The following THOP1 variants were observed in gnomAD, a reference collection of about 807,000 sequenced individuals.
The protein encoded by THOP1 is thimet oligopeptidase.
In THOP1, 49 loss-of-function variants were observed where a neutral mutation model predicts 71.8. The observed-to-expected ratio is 0.68, with a 90% CI of 0.54 to 0.87. The LOEUF is 0.87. THOP1 is among the 40% of genes least tolerant of loss of function. THOP1 has a pLI of 0.00. For missense variants in THOP1, 843 were observed against 975.6 expected (o/e 0.86, Z 1.81); for synonymous variants, 426 against 421.5 (o/e 1.01, Z -0.13).
Position 2,805,257 on chromosome 19 carries a change from C to G in THOP1, c.750+81C>G. 4.1e-6 allele frequency: 6 copies of G among 1,463,160 alleles called. No homozygotes were observed. The highest frequency in any genetic ancestry group is 5.5e-6 in the Non-Finnish European group (6 of 1,098,340). The allele number at this position is 1,463,160 out of a possible 1,614,324, so 90.6% of individuals were successfully genotyped here. On this transcript the variant is annotated intron_variant, in intron 6 of 12. Coordinates refer to ENST00000307741, the MANE Select transcript of THOP1 (RefSeq NM_003249.5). The surrounding 1 kb of genome is among the most constrained non-coding windows in gnomAD (Gnocchi z 6.6). ...CGTCTGCTCCATGTGTGTGAGGCAC[C>G]TCCAGGCTTTGCACTTGGATGGCCT...
At chr19:2,799,922 T>A (rs1278608919) in intron 5 of THOP1, 131 bp downstream of exon 5, 3 of 771,802 alleles carry the variant, frequency 3.9e-6, no homozygotes, top group Non-Finnish European at 6.3e-6. Flanking sequence ...CCGAAGTACG[T>A]GGACCTGACC....
At chr19:2,788,905 C>T (rs1915811309) in intron 1 of THOP1, among the ~76,000 whole-genome samples, 1 of 151,476 alleles carries the variant, frequency 6.6e-6, no homozygotes, top group Non-Finnish European at 1.5e-5. Context: ...GGATTACAAG[C>T]CCGCACCACC....
intron 8 of THOP1, 55 bp downstream of exon 8, chr19:2,807,863 G>T (rs1214350511): frequency 1.4e-6 from 2 of 1,417,490 alleles, no homozygotes; most frequent in Non-Finnish European, 1.8e-6. Flanking sequence ...TCTCCTCGGA[G>T]CCCGGTGTGC....
Position 2,799,805 on chromosome 19 carries a change from A to C in THOP1, c.589+14A>C. ...TCCAGGAGCTAGGTAGGGGCCGAGC[A>C]GTGGGGCACGGGTGGCCATCGGTCC... is the stretch of plus-strand genomic sequence containing the variant. On this transcript the variant is annotated intron_variant, in intron 5 of 12. Transcript: ENST00000307741. 6.2e-7 allele frequency: 1 copy of C among 1,610,192 alleles called. No individual in the cohort carries two copies. The highest frequency in any genetic ancestry group is 8.5e-7 in the Non-Finnish European group (1 of 1,177,026).
chr19:2,796,693 G>A (rs1297561445), intron 4 of THOP1, among the ~76,000 whole-genome samples: 7 of 152,088 alleles, frequency 4.6e-5, no homozygotes, highest in African/African-American at 1.2e-4. Flanking sequence ...AGTGCTGGGC[G>A]TGGCCAGTGG....
Position 2,804,980 on chromosome 19 carries a change from A to G in THOP1, c.590-36A>G, listed in dbSNP as rs1041882701. The G allele has an allele frequency of 3.1e-6, 5 of 1,594,264 alleles. No homozygotes were observed. Among genetic ancestry groups the G allele is most frequent in the Non-Finnish European group, 4.3e-6 (5 of 1,170,128 alleles). ...GCTGTGTGCAGGCTGTGGGCCCATC[A>G]GTCCTGTCAAAGCCACCCTGGTTCT... On this transcript the variant is annotated intron_variant, in intron 5 of 12. Transcript: ENST00000307741. This position sits in a 1 kb window ranked among gnomAD's most constrained non-coding sequence, Gnocchi z 4.7.
At position 2,794,821 on chromosome 19, in the gene THOP1, C is replaced by T. The variant is rs200331113; in HGVS notation, c.287C>T (p.Thr96Ile). The change falls in exon 3 of 13, where the codon ACA becomes ATA. Residue 96 changes from threonine to isoleucine, a missense_variant. Transcript: ENST00000307741. ...QHVSPSKDIR[T>I]ASTEADKKLS... ...GTTTCCCCCTCCAAGGACATCCGGA[C>T]AGCCAGCACAGAGGCCGACAAGAAG... The T allele has an allele frequency of 6.8e-6, 11 of 1,614,048 alleles. No individual in the cohort carries two copies. Among genetic ancestry groups the T allele is most frequent in the Non-Finnish European group, 8.5e-6 (10 of 1,179,970 alleles).
Position 2,796,140 on chromosome 19 carries a change from C to T in THOP1, c.438C>T (p.Ile146=). Residue 146 remains isoleucine (I), a synonymous_variant, in exon 4 of 13, where the codon ATC becomes ATT. Transcript: ENST00000307741. The part of the protein sequence containing the change: ...PEAARYLERL[I]KLGRRNGLHL... The stretch of plus-strand genomic sequence containing the variant: ...CTGCGCGGTACCTGGAGCGGCTAAT[C>T]AAGCTGGGCCGGAGAAATGGGCTTC... 6.2e-7 allele frequency: 1 copy of T among 1,613,846 alleles called. No homozygotes were observed. Among genetic ancestry groups the T allele is most frequent in the Non-Finnish European group, 8.5e-7 (1 of 1,179,968 alleles).
chr19:2,802,038 C>T (rs1464785159), intron 5 of THOP1, among the ~76,000 whole-genome samples: 1 of 151,720 alleles, frequency 6.6e-6, no homozygotes, highest in Non-Finnish European at 1.5e-5. Flanking sequence ...ACCGCTACCT[C>T]TCAATACCGC....
At chr19:2,800,306 C>T (rs966435367) in intron 5 of THOP1, among the ~76,000 whole-genome samples, 1 of 152,238 alleles carries the variant, frequency 6.6e-6, no homozygotes, top group African/African-American at 2.4e-5. Flanking sequence ...CTGTCTCAGC[C>T]TCCTGAGTAG....
chr19:2,802,639 C>T (rs1428946168), intron 5 of THOP1, among the ~76,000 whole-genome samples: 1 of 152,142 alleles, frequency 6.6e-6, no homozygotes, highest in East Asian at 1.9e-4. Flanking sequence ...CATTAAGTTC[C>T]TGGTGCATTT....
rs1916103838 is a variant in THOP1 at position 2,799,788 on chromosome 19, C to G, written c.586C>G (p.Leu196Val). ...TTFLPFTLQE[L>V]GGLPEDFLNS... is the part of the protein sequence containing the mutation. The stretch of plus-strand genomic sequence containing the variant: ...CTTCCTGCCCTTCACGCTCCAGGAG[C>G]TAGGTAGGGGCCGAGCAGTGGGGCA... Residue 196 changes from leucine to valine, a missense_variant, in exon 5 of 13, where the codon CTA becomes GTA. Leu to Val is a conservative substitution (Grantham distance 32). Transcript: ENST00000307741. 1.2e-6 allele frequency: 2 copies of G among 1,613,402 alleles called. No homozygotes were observed. The highest frequency in any genetic ancestry group is 8.5e-7 in the Non-Finnish European group (1 of 1,179,758).
At chr19:2,808,037 G>A (rs1260287292) in intron 8 of THOP1, 5 of 769,292 alleles carry the variant, frequency 6.5e-6, no homozygotes, top group Non-Finnish European at 1.0e-5. Flanking sequence ...CCAGGCCGGA[G>A]TCCTTTAGGG....
chr19:2,800,837 C>T (rs766012661), intron 5 of THOP1, among the ~76,000 whole-genome samples: 4 of 151,912 alleles, frequency 2.6e-5, no homozygotes, highest in South Asian at 2.1e-4. Flanking sequence ...CAGCCACCCA[C>T]GCCATCCCGC....
chr19:2,812,471 C>A, intron 12 of THOP1: 1 of 1,343,610 alleles, frequency 7.4e-7, no homozygotes, highest in South Asian at 1.6e-5. Context: ...CCCCTGTCTT[C>A]ACAGCCCAGC....
chr19:2,802,419 C>T (rs1373316639), intron 5 of THOP1, among the ~76,000 whole-genome samples: 7 of 143,136 alleles, frequency 4.9e-5, no homozygotes, highest in African/African-American at 1.3e-4. Context: ...CCCCACCTCC[C>T]GACACCCCCA....
Position 2,813,578 on chromosome 19 carries a change from A to T in THOP1, c.*302A>T, listed in dbSNP as rs1431145927. On this transcript the variant is annotated 3_prime_UTR_variant, in exon 13 of 13. Transcript: ENST00000307741. ...GACGGCTCTTCTTTGAAATGAGGTC[A>T]TTAAAAGGAAACAGAAAAAGAGAGA... The T allele has an allele frequency of 8.2e-6, 3 of 365,564 alleles. No homozygotes were observed. Among genetic ancestry groups the T allele is most frequent in the Non-Finnish European group, 1.5e-5 (3 of 201,248 alleles). 22.6% of individuals were successfully genotyped at this position (365,564 alleles called of 1,614,324 possible).
rs930403336 is a variant in THOP1, at chr19:2,801,319, C to T, written c.589+1528C>T. Among the ~76,000 whole-genome samples the T allele has an allele frequency of 2.6e-5, 4 of 152,206 alleles. No individual in the cohort carries two copies. The highest frequency in any genetic ancestry group is 6.5e-5 in the Admixed American group (1 of 15,290). On this transcript the variant is annotated intron_variant, in intron 5 of 12. Transcript: ENST00000307741. This position sits in a 1 kb window ranked among gnomAD's most constrained non-coding sequence, Gnocchi z 5.1. ...CGGTTTCAGCCAGTTTTGTTCTTGTCGGCGTTTCAGCTGCCTGTTTCTTTT... is the reference window on the plus strand; with the variant it reads ...CGGTTTCAGCCAGTTTTGTTCTTGTTGGCGTTTCAGCTGCCTGTTTCTTTT...
chr19:2,791,973 G>A (rs908644762), intron 2 of THOP1, among the ~76,000 whole-genome samples: 3 of 152,088 alleles, frequency 2.0e-5, no homozygotes, highest in Admixed American at 1.3e-4. Context: ...GGCCCCTCGC[G>A]CCCCTCGCCC....
Sources: gnomAD v4.1 joint callset for allele counts (sites outside exome capture counted in the v4.1 genomes callset) on GRCh38, gnomAD v4.1.1 for gene constraint, Gnocchi (gnomAD v3.1) non-coding constraint, MANE v1.5 for transcripts, NCBI Gene and HGNC (gene_info 2026-07-23, HGNC 2026-07-21) for gene names.